SCN11A: variants seen among roughly 807,000 people sequenced by gnomAD.
The protein encoded by SCN11A is sodium voltage-gated channel alpha subunit 11.
Under a neutral mutation model 162.2 loss-of-function variants are expected in SCN11A, and 122 were observed. The observed-to-expected ratio is 0.75, with a 90% confidence interval of 0.65 to 0.87. The LOEUF is 0.87. SCN11A is among the 40% of genes least tolerant of loss of function. The pLI, the probability that SCN11A is intolerant of heterozygous loss-of-function variation, is 0.00. For synonymous variants in SCN11A, 758 were observed against 751.5 expected (o/e 1.01, Z -0.14); for missense variants, 2,015 against 2,181.6 (o/e 0.92, Z 1.52).
intron 16 of SCN11A, among the ~76,000 whole-genome samples, chr3:38,902,958 G>A (rs1048593267): frequency 6.6e-5 from 10 of 151,986 alleles, no homozygotes; most frequent in African/African-American, 2.4e-4. Context: ...CATAAAGCTT[G>A]CAAATATTCT....
At chr3:38,984,213 A>G (rs1345939798) in intron 2 of SCN11A, among the ~76,000 whole-genome samples, 2 of 152,176 alleles carry the variant, frequency 1.3e-5, no homozygotes, top group Admixed American at 6.5e-5. Context: ...TCATTCTTCA[A>G]TGGGTGCCTC....
rs527874705 is a variant in SCN11A, at chr3:39,003,170, TCCCACTTCCCA to T, written c.-280+29199_-280+29209del. On this transcript the variant is annotated intron_variant, in intron 2 of 29. Coordinates refer to ENST00000302328, the MANE Select transcript of SCN11A (RefSeq NM_001349253.2). The stretch of plus-strand genomic sequence containing the variant: ...CGAATAGCTATCATTTCTTCTCTTC[TCCCACTTCCCA>T]CCCTCCATCCTCAAGTAGACCCCCG... Among the ~76,000 whole-genome samples, 1,455 of 152,302 alleles carry T rather than the reference TCCCACTTCCCA, an allele frequency of 9.6e-3. 29 individuals carry two copies. Among genetic ancestry groups the T allele is most frequent in the African/African-American group, 0.03 (1,236 of 41,558 alleles).
At chr3:38,912,175 G>A (rs754637109) in intron 11 of SCN11A, among the ~76,000 whole-genome samples, 65 of 152,134 alleles carry the variant, frequency 4.3e-4, no homozygotes, top group Admixed American at 1.3e-3. Context: ...TGCTGAGGAT[G>A]GACCTACCAT....
At chr3:38,967,634 G>C (rs2066791189) in intron 2 of SCN11A, among the ~76,000 whole-genome samples, 1 of 152,222 alleles carries the variant, frequency 6.6e-6, no homozygotes. Context: ...TCTTGAGGTG[G>C]GATGCTGTCA....
At chr3:38,935,571 A>G (rs1241264040) in intron 7 of SCN11A, among the ~76,000 whole-genome samples, 1 of 152,224 alleles carries the variant, frequency 6.6e-6, no homozygotes, top group African/African-American at 2.4e-5. Context: ...CAGAAGTACA[A>G]ACTACCATCA....
chr3:38,974,730 A>AAAAGT (rs1447162888), intron 2 of SCN11A, among the ~76,000 whole-genome samples: 1 of 150,498 alleles, frequency 6.6e-6, no homozygotes, highest in East Asian at 1.9e-4. Flanking sequence ...AAAAGAAAAG[A>AAAAGT]AAAGAAGGCC....
Position 38,847,274 on chromosome 3 carries a change from T to A in SCN11A, c.4796A>T (p.Tyr1599Phe). 6.2e-7 allele frequency: 1 copy of A among 1,614,176 alleles called. No individual in the cohort carries two copies. Among genetic ancestry groups the A allele is most frequent in the Non-Finnish European group, 8.5e-7 (1 of 1,179,982 alleles). Residue 1599 changes from tyrosine to phenylalanine, a missense_variant, in exon 30 of 30, where the codon TAC becomes TTC. Tyr to Phe is a conservative substitution (Grantham distance 22). Coordinates refer to ENST00000302328, the MANE Select transcript of SCN11A (RefSeq NM_001349253.2). ...IISFLIVVNM[Y>F]IAVILENFNT... Reference sequence around the variant, plus strand: ...GAAGTTCTCTAAAATCACAGCAATGTACATGTTGACAACAATGAGAAAGGA... The same window carrying A: ...GAAGTTCTCTAAAATCACAGCAATGAACATGTTGACAACAATGAGAAAGGA...
At chr3:38,986,845 G>A (rs189706956) in intron 2 of SCN11A, among the ~76,000 whole-genome samples, 1 of 152,284 alleles carries the variant, frequency 6.6e-6, no homozygotes, top group East Asian at 1.9e-4. Flanking sequence ...TGTGTTTGAG[G>A]TTTGTACTGA....
intron 8 of SCN11A, 52 bp from the exon 9 acceptor site, chr3:38,925,561 A>AC (rs746219400): frequency 3.2e-6 from 4 of 1,250,084 alleles, no homozygotes; most frequent in Non-Finnish European, 2.3e-6. Context: ...CTGCAGCTGC[A>AC]CTGCACATCT....
At chr3:39,009,343 T>C (rs2031063711) in intron 2 of SCN11A, among the ~76,000 whole-genome samples, 1 of 151,894 alleles carries the variant, frequency 6.6e-6, no homozygotes, top group South Asian at 2.1e-4. Flanking sequence ...ATGACCCATA[T>C]AATCAAAAGC....
chr3:38,979,754 C>A (rs760779624), intron 2 of SCN11A, among the ~76,000 whole-genome samples: 3 of 152,184 alleles, frequency 2.0e-5, no homozygotes, highest in South Asian at 2.1e-4. Context: ...TTCTAACAGA[C>A]CCCTCCAGCC....
chr3:38,884,503 T>C (rs1367351881), intron 21 of SCN11A, among the ~76,000 whole-genome samples: 1 of 152,228 alleles, frequency 6.6e-6, no homozygotes, highest in Non-Finnish European at 1.5e-5. Context: ...GTTTCACTTA[T>C]TTATTTATCA....
rs560036383 is a variant in SCN11A, at chr3:38,865,322, A to G, written c.3951+1999T>C. Among the ~76,000 whole-genome samples the G allele has an allele frequency of 7.9e-5, 12 of 152,320 alleles. No homozygotes were observed. The South Asian group carries it at 2.3e-3, about 29-fold the overall frequency. On this transcript the variant is annotated intron_variant, in intron 27 of 29. Transcript: ENST00000302328. ...TAAGCTTAAATCTAAAATCACAAAG[A>G]CTGACATCCAAATTGCAGGTATTGA...
In SCN11A at chr3:38,894,671, T is replaced by A; in HGVS notation, c.2697A>T (p.Ile899=). The part of the protein sequence containing the change: ...RGSETQEELG[I]LTSVPKTLGV... ...CCAGGGTCTTTGGTACAGAGGTTAG[T>A]ATACCAAGCTCCTCCTGGGTCTCTG... Residue 899 remains isoleucine, a synonymous_variant, in exon 19 of 30, where the codon ATA becomes ATT. Coordinates refer to ENST00000302328, the MANE Select transcript of SCN11A (RefSeq NM_001349253.2). 1 of 1,614,170 alleles carries A rather than the reference T, an allele frequency of 6.2e-7. No homozygotes were observed. The highest frequency in any genetic ancestry group is 8.5e-7 in the Non-Finnish European group (1 of 1,180,024).
intron 3 of SCN11A, among the ~76,000 whole-genome samples, chr3:38,956,682 G>A (rs1302473800): frequency 6.6e-6 from 1 of 152,038 alleles, no homozygotes; most frequent in African/African-American, 2.4e-5. Context: ...TATAATTCAG[G>A]TTATCTATTA....
At chr3:39,050,515 A>G (rs2032313765) in intron 1 of SCN11A, among the ~76,000 whole-genome samples, 2 of 152,216 alleles carry the variant, frequency 1.3e-5, no homozygotes, top group Non-Finnish European at 2.9e-5. Flanking sequence ...ATTTACCTAT[A>G]AGTTATCACT....
chr3:38,941,427 A>G (rs1230816051), intron 7 of SCN11A, among the ~76,000 whole-genome samples: 1 of 152,222 alleles, frequency 6.6e-6, no homozygotes, highest in Non-Finnish European at 1.5e-5. Context: ...GCTAAAAAGA[A>G]ATACTACCAA....
intron 2 of SCN11A, among the ~76,000 whole-genome samples, chr3:38,987,648 G>A (rs1271352883): frequency 1.3e-5 from 2 of 152,136 alleles, no homozygotes; most frequent in African/African-American, 2.4e-5. Context: ...CCTCACACTC[G>A]TTCTGGACAC....
rs766714796 is a variant in SCN11A at position 38,850,466 on chromosome 3, G to T, written c.4327+15C>A. 112 of 1,605,136 alleles carry T rather than the reference G, an allele frequency of 7.0e-5. No homozygotes were observed. Among genetic ancestry groups the T allele is most frequent in the Non-Finnish European group, 9.2e-5 (108 of 1,174,196 alleles). On this transcript the variant is annotated intron_variant, in intron 29 of 29. Coordinates refer to ENST00000302328, the MANE Select transcript of SCN11A (RefSeq NM_001349253.2). The stretch of plus-strand genomic sequence containing the variant: ...TCTGGTTCTTAAAGTCCCTCTGACT[G>T]CTGATTTTACTTACTAACAATGGAA...
Sources: gnomAD v4.1 joint callset for allele counts (sites outside exome capture counted in the v4.1 genomes callset) on GRCh38, gnomAD v4.1.1 for gene constraint, MANE v1.5 for transcripts, NCBI Gene and HGNC (gene_info 2026-07-23, HGNC 2026-07-21) for gene names.